The following SORCS3 variants were observed in gnomAD, a reference collection of about 807,000 sequenced individuals.
SORCS3 encodes the protein sortilin related VPS10 domain containing receptor 3, also known as VPS10 domain-containing receptor SorCS3.
A neutral mutation model predicts 146.3 loss-of-function variants in SORCS3; 57 were observed. The observed-to-expected ratio is 0.39, with a 90% CI of 0.31 to 0.49. The LOEUF is 0.49. Ranked by LOEUF, SORCS3 falls within the 20% of genes least tolerant of loss-of-function variation. The pLI, the probability that SORCS3 is intolerant of heterozygous loss-of-function variation, is 0.92. For missense variants in SORCS3, 1,341 were observed against 1,575.5 expected, an observed-to-expected ratio of 0.85 and a Z score of 2.52; for synonymous variants, 653 against 618.5, an observed-to-expected ratio of 1.06 and a Z score of -0.83.
intron 2 of SORCS3, among the ~76,000 whole-genome samples, chr10:104,886,933 G>C (rs2018694398): frequency 6.6e-6 from 1 of 152,168 alleles, no homozygotes; most frequent in African/African-American, 2.4e-5. Flanking sequence ...TTGCAGTGCT[G>C]GCTGCAGGAA....
intron 5 of SORCS3, among the ~76,000 whole-genome samples, chr10:105,048,615 A>G (rs907789754): frequency 6.6e-6 from 1 of 151,548 alleles, no homozygotes; most frequent in Non-Finnish European, 1.5e-5. Flanking sequence ...CAGCACACCA[A>G]CATGGCACAT....
intron 5 of SORCS3, among the ~76,000 whole-genome samples, chr10:105,076,160 G>A (rs1245012129): frequency 6.6e-6 from 1 of 152,246 alleles, no homozygotes; most frequent in Middle Eastern, 3.4e-3. Context: ...ATATCAATTT[G>A]AAGGTTCAGA....
intron 1 of SORCS3, among the ~76,000 whole-genome samples, chr10:104,793,707 G>A (rs906695909): frequency 6.6e-6 from 1 of 152,174 alleles, no homozygotes; most frequent in South Asian, 2.1e-4. Flanking sequence ...AGCAGCAAGT[G>A]TATTATTTAG....
chr10:105,103,037 C>T (rs987687118), intron 6 of SORCS3, among the ~76,000 whole-genome samples: 7 of 152,002 alleles, frequency 4.6e-5, no homozygotes, highest in Admixed American at 6.6e-5. Context: ...ATCCACCCAC[C>T]TCGGCCTCCC....
intron 1 of SORCS3, among the ~76,000 whole-genome samples, chr10:104,717,678 C>A (rs2016496076): frequency 1.3e-5 from 2 of 152,088 alleles, no homozygotes; most frequent in African/African-American, 4.8e-5. Flanking sequence ...GTCACACCAT[C>A]CAAGGAAAAC....
chr10:104,883,978 G>GGT (rs57287239), intron 2 of SORCS3, among the ~76,000 whole-genome samples: 23 of 146,214 alleles, frequency 1.6e-4, no homozygotes, highest in Middle Eastern at 3.5e-3. Context: ...TGTGGAATGA[G>GGT]GGGGGGGAAA....
intron 3 of SORCS3, among the ~76,000 whole-genome samples, chr10:104,954,925 C>G (rs1564721547): frequency 6.6e-6 from 1 of 152,124 alleles, no homozygotes; most frequent in Non-Finnish European, 1.5e-5. Context: ...AAGGCTGAAA[C>G]CAATGAGTCC....
chr10:104,817,695 T>C, intron 1 of SORCS3, among the ~76,000 whole-genome samples: 1 of 96,882 alleles, frequency 1.0e-5, no homozygotes, highest in East Asian at 3.7e-4. Flanking sequence ...TTTTCCCTTT[T>C]TTCCCTCTTA....
intron 20 of SORCS3, among the ~76,000 whole-genome samples, chr10:105,241,396 T>C (rs553881107): frequency 6.6e-6 from 1 of 152,344 alleles, no homozygotes; most frequent in South Asian, 2.1e-4. Context: ...CTCACAACCC[T>C]GAAGCCCCAG....
At chr10:104,888,575 A>C (rs993863680) in intron 2 of SORCS3, among the ~76,000 whole-genome samples, 2 of 152,176 alleles carry the variant, frequency 1.3e-5, no homozygotes, top group African/African-American at 4.8e-5. Context: ...GTTGACTCAA[A>C]TAAAGGCAAG....
rs1485535274 is a variant in SORCS3, at chr10:105,221,661, A to G, written c.2735-1455A>G. On this transcript the variant is annotated intron_variant, in intron 19 of 26. Coordinates refer to ENST00000369701, the MANE Select transcript of SORCS3 (RefSeq NM_014978.3). The stretch of plus-strand genomic sequence containing the variant: ...TTTGAACTGACTTGTCTCCAGAATT[A>G]CCAGGGAAGCAAATAAGGACGGCTA... 2.6e-5 allele frequency among the ~76,000 whole-genome samples: 4 copies of G among 152,316 alleles called. No homozygotes were observed. In the East Asian group the frequency reaches 7.7e-4, roughly 29 times the overall value.
At chr10:104,720,848 T>C (rs2016539268) in intron 1 of SORCS3, among the ~76,000 whole-genome samples, 1 of 152,244 alleles carries the variant, frequency 6.6e-6, no homozygotes, top group African/African-American at 2.4e-5. Context: ...GTAAATTTGT[T>C]TGAGTTCATT....
intron 3 of SORCS3, among the ~76,000 whole-genome samples, chr10:104,929,394 G>A (rs952650203): frequency 1.3e-5 from 2 of 152,098 alleles, no homozygotes; most frequent in African/African-American, 4.8e-5. Flanking sequence ...CTGGGAGAAG[G>A]AATCTATACT....
At chr10:105,041,410 A>AAT (rs368758574) in intron 4 of SORCS3, among the ~76,000 whole-genome samples, 1,945 of 144,310 alleles carry the variant, frequency 0.013, 20 homozygotes, top group South Asian at 0.024. Context: ...GATTAAAAAA[A>AAT]ATATATATAT....
chr10:105,084,240 A>G (rs1415281757), intron 5 of SORCS3, among the ~76,000 whole-genome samples: 1 of 152,250 alleles, frequency 6.6e-6, no homozygotes, highest in Non-Finnish European at 1.5e-5. Context: ...GATAAATGAT[A>G]CCTTCCTTAA....
At chr10:104,895,061 A>G (rs1751033154) in intron 2 of SORCS3, among the ~76,000 whole-genome samples, 1 of 152,146 alleles carries the variant, frequency 6.6e-6, no homozygotes, top group Admixed American at 6.5e-5. Flanking sequence ...TGTGGTATGA[A>G]CAGGCCCTGT....
At position 105,262,471 on chromosome 10, in the gene SORCS3, A is replaced by G. The variant is rs755580004; in HGVS notation, c.3584A>G (p.Glu1195Gly). ...GAGCCTGAGGAGCTGCTGGACAAAG[A>G]GCTGGACACGCGGGTCATAGGTACA... ...FTEPEELLDK[E>G]LDTRVIGGIA... is the part of the protein sequence containing the mutation. The change falls in exon 26 of 27, where the codon GAG becomes GGG. Residue 1195 changes from glutamate (E) to glycine (G), a missense_variant. Transcript: ENST00000369701. 3.7e-6 allele frequency: 6 copies of G among 1,613,872 alleles called. No individual in the cohort carries two copies. The highest frequency in any genetic ancestry group is 3.3e-5 in the Admixed American group (2 of 59,982).
intron 4 of SORCS3, among the ~76,000 whole-genome samples, chr10:105,036,814 C>T (rs778596715): frequency 6.6e-6 from 1 of 152,162 alleles, no homozygotes; most frequent in Non-Finnish European, 1.5e-5. Context: ...GAGGCAGAGA[C>T]CTCATTTCTA....
At chr10:104,917,103 A>G (rs1457475529) in intron 3 of SORCS3, among the ~76,000 whole-genome samples, 2 of 152,220 alleles carry the variant, frequency 1.3e-5, no homozygotes, top group African/African-American at 4.8e-5. Context: ...ATAGATAGCC[A>G]AAGGATCCAG....
Sources: allele counts gnomAD v4.1 joint callset (sites outside exome capture counted in the v4.1 genomes callset), GRCh38; gene constraint gnomAD v4.1.1; transcripts MANE v1.5; gene names NCBI Gene and HGNC (gene_info 2026-07-23, HGNC 2026-07-21).